The following RIMS2 variants were observed in gnomAD, a reference collection of about 807,000 sequenced individuals.
RIMS2 encodes the protein regulating synaptic membrane exocytosis 2, also known as regulating synaptic membrane exocytosis protein 2.
Under a neutral mutation model 174.4 loss-of-function variants are expected in RIMS2, and 59 were observed. The observed-to-expected ratio is 0.34, with a 90% confidence interval of 0.27 to 0.42. The LOEUF (loss-of-function observed/expected upper bound fraction) is 0.42. Among genes scored for constraint, RIMS2 ranks in the 10% least tolerant of loss-of-function variants. The probability of loss-of-function intolerance (pLI) is 1.00; values close to 1 mark genes in which losing one functional copy is unlikely to be tolerated. For synonymous variants in RIMS2, 606 were observed against 572.5 expected (o/e 1.06, Z -0.84); for missense variants, 1,620 against 1,666.3 (o/e 0.97, Z 0.48).
intron 3 of RIMS2, among the ~76,000 whole-genome samples, chr8:103,844,246 G>T (rs2098956311): frequency 6.6e-6 from 1 of 152,178 alleles, no homozygotes; most frequent in South Asian, 2.1e-4. Flanking sequence ...ATCCTTGTTT[G>T]TGTGTCTTTA....
At chr8:103,790,701 C>T (rs1417910050) in intron 3 of RIMS2, among the ~76,000 whole-genome samples, 4 of 152,064 alleles carry the variant, frequency 2.6e-5, no homozygotes, top group African/African-American at 9.7e-5. Context: ...TGTTCAATGG[C>T]TATTTATATA....
At chr8:103,914,577 T>C (rs2076319634) in intron 6 of RIMS2, among the ~76,000 whole-genome samples, 1 of 152,180 alleles carries the variant, frequency 6.6e-6, no homozygotes, top group Non-Finnish European at 1.5e-5. Flanking sequence ...ATACATATAA[T>C]TTTCAGAATT....
intron 15 of RIMS2, among the ~76,000 whole-genome samples, chr8:103,973,314 T>C (rs2093092430): frequency 6.6e-6 from 1 of 152,114 alleles, no homozygotes; most frequent in South Asian, 2.1e-4. Context: ...CAGAGTTGTT[T>C]TGTATTACAT....
At chr8:104,084,506 G>T (rs7812535) in intron 19 of RIMS2, among the ~76,000 whole-genome samples, 40,408 of 150,142 alleles carry the variant, frequency 0.27, 6,179 homozygotes, top group East Asian at 0.58. Flanking sequence ...TCCAAGGCAG[G>T]TTTGGTATTA....
intron 1 of RIMS2, chr8:103,568,965 T>G (rs1405761294): frequency 1.5e-6 from 1 of 649,930 alleles, no homozygotes; most frequent in Non-Finnish European, 2.8e-6. Flanking sequence ...GTCTTACAGC[T>G]GCATGAGCTG....
chr8:103,638,079 G>A (rs887477767), intron 1 of RIMS2, among the ~76,000 whole-genome samples: 6 of 152,046 alleles, frequency 3.9e-5, no homozygotes, highest in South Asian at 2.1e-4. Flanking sequence ...AATTTTGATC[G>A]TATAGTTAGA....
intron 2 of RIMS2, among the ~76,000 whole-genome samples, chr8:103,733,457 T>G (rs1419222232): frequency 6.6e-6 from 1 of 152,144 alleles, no homozygotes; most frequent in African/African-American, 2.4e-5. Context: ...CCAAGTTCAC[T>G]GACTTCAAGC....
intron 19 of RIMS2, among the ~76,000 whole-genome samples, chr8:104,196,335 C>A (rs2099024213): frequency 6.6e-6 from 1 of 152,072 alleles, no homozygotes; most frequent in Non-Finnish European, 1.5e-5. Context: ...TTTGAATAAC[C>A]TTACGAAACA....
chr8:103,673,928 G>A (rs12707790), intron 1 of RIMS2, among the ~76,000 whole-genome samples: 26,912 of 152,180 alleles, frequency 0.18, 2,590 homozygotes, highest in African/African-American at 0.24. Flanking sequence ...GGTCCCACAT[G>A]TGAGTATAGG....
chr8:103,932,877 C>CCG (rs1261842758), intron 12 of RIMS2, among the ~76,000 whole-genome samples: 1 of 152,118 alleles, frequency 6.6e-6, no homozygotes, highest in Non-Finnish European at 1.5e-5. Context: ...ATCTCTATGG[C>CCG]CGGGTGTGGT....
intron 19 of RIMS2, among the ~76,000 whole-genome samples, chr8:104,037,396 T>G (rs1322797608): frequency 6.6e-6 from 1 of 152,226 alleles, no homozygotes; most frequent in African/African-American, 2.4e-5. Context: ...TTTAACATAA[T>G]GCTTGTTTCT....
At chr8:104,185,106 A>G (rs6983321) in intron 19 of RIMS2, among the ~76,000 whole-genome samples, 5,104 of 151,604 alleles carry the variant, frequency 0.034, 195 homozygotes, top group East Asian at 0.14. Flanking sequence ...ATTCTTATGA[A>G]TAAATGAAAC....
At chr8:104,180,973 G>T (rs2098936287) in intron 19 of RIMS2, among the ~76,000 whole-genome samples, 2 of 151,656 alleles carry the variant, frequency 1.3e-5, no homozygotes. Flanking sequence ...TTAAAGCAGA[G>T]TTTCCCGAAG....
chr8:103,901,623 A>G (rs770103727), intron 4 of RIMS2, among the ~76,000 whole-genome samples: 1 of 152,148 alleles, frequency 6.6e-6, no homozygotes, highest in Admixed American at 6.6e-5. Context: ...AACCTAGAAC[A>G]GTTTCAAATT....
chr8:103,617,710 T>C (rs1010300226), intron 1 of RIMS2, among the ~76,000 whole-genome samples: 1 of 152,154 alleles, frequency 6.6e-6, no homozygotes, highest in African/African-American at 2.4e-5. Flanking sequence ...GATCAGACAC[T>C]TCTCAAAAGA....
chr8:104,097,879 T>C (rs960602131), intron 19 of RIMS2, among the ~76,000 whole-genome samples: 2 of 152,200 alleles, frequency 1.3e-5, no homozygotes, highest in Admixed American at 1.3e-4. Flanking sequence ...TGCCATTAAT[T>C]TTAATGGCAG....
intron 19 of RIMS2, among the ~76,000 whole-genome samples, chr8:104,156,274 C>T (rs1342864766): frequency 6.6e-6 from 1 of 151,498 alleles, no homozygotes; most frequent in Non-Finnish European, 1.5e-5. Flanking sequence ...GGCCTTAGAG[C>T]CCTCTCTCTT....
intron 1 of RIMS2, among the ~76,000 whole-genome samples, chr8:103,529,216 G>C (rs1019328310): frequency 2.0e-5 from 3 of 150,138 alleles, no homozygotes; most frequent in Non-Finnish European, 4.4e-5. Flanking sequence ...GTATAAGAAT[G>C]CTTGTGATTT....
intron 11 of RIMS2, among the ~76,000 whole-genome samples, chr8:103,928,442 G>A (rs1317332385): frequency 6.6e-6 from 1 of 151,374 alleles, no homozygotes. Context: ...AATAAAATAA[G>A]TTGGATTTAT....
Sources: allele counts gnomAD v4.1 joint callset (sites outside exome capture counted in the v4.1 genomes callset), GRCh38; gene constraint gnomAD v4.1.1; transcripts MANE v1.5; gene names NCBI Gene and HGNC (gene_info 2026-07-23, HGNC 2026-07-21).